The following SLC24A2 variants were observed in gnomAD, a reference collection of about 807,000 sequenced individuals.
SLC24A2 encodes the protein solute carrier family 24 member 2.
A neutral mutation model predicts 62.0 loss-of-function variants in SLC24A2; 36 were observed. That is an observed-to-expected ratio of 0.58 (90% CI 0.44 to 0.77). The LOEUF (loss-of-function observed/expected upper bound fraction) is 0.77. Among genes scored for constraint, SLC24A2 ranks in the 30% least tolerant of loss-of-function variants. The probability of loss-of-function intolerance (pLI) is 0.00; values close to 1 mark genes in which losing one functional copy is unlikely to be tolerated. For synonymous variants in SLC24A2, 358 were observed against 294.0 expected, an observed-to-expected ratio of 1.22 and a Z score of -2.23; for missense variants, 846 against 817.9, an observed-to-expected ratio of 1.03 and a Z score of -0.42.
the SLC24A2 span, among the ~76,000 whole-genome samples, chr9:19,991,762 G>A: frequency 6.6e-6 from 1 of 152,292 alleles, no homozygotes; most frequent in Admixed American, 6.5e-5. Flanking sequence ...AATATGATGA[G>A]ATTTATTTTT....
the SLC24A2 span, among the ~76,000 whole-genome samples, chr9:20,217,527 G>T: frequency 5.9e-5 from 9 of 152,170 alleles, no homozygotes; most frequent in African/African-American, 2.2e-4. Context: ...TGAAGAACAA[G>T]CTGGTGCTGG....
At chr9:20,031,418 C>A in the SLC24A2 span, among the ~76,000 whole-genome samples, 1 of 146,478 alleles carries the variant, frequency 6.8e-6, no homozygotes, top group Non-Finnish European at 1.5e-5. Context: ...CGCATATGTG[C>A]ACACACACAC....
chr9:20,062,650 T>C, the SLC24A2 span, among the ~76,000 whole-genome samples: 59 of 138,252 alleles, frequency 4.3e-4, 1 homozygote, highest in East Asian at 0.013. Flanking sequence ...TGGGATCTCA[T>C]TAAACTAAAG....
chr9:19,587,296 T>C (rs948632199), intron 5 of SLC24A2, among the ~76,000 whole-genome samples: 1 of 152,238 alleles, frequency 6.6e-6, no homozygotes, highest in African/African-American at 2.4e-5. Flanking sequence ...ATTTATTTTA[T>C]TGTAAAGTGG....
chr9:19,580,197 C>T (rs532426908), intron 5 of SLC24A2, among the ~76,000 whole-genome samples: 1 of 152,252 alleles, frequency 6.6e-6, no homozygotes, highest in South Asian at 2.1e-4. Flanking sequence ...TGCAACTCAA[C>T]CTCCCTCCTA....
the SLC24A2 span, among the ~76,000 whole-genome samples, chr9:20,077,467 ATTCCAGAGGCAGTTGTG>A: frequency 4.6e-5 from 7 of 152,180 alleles, no homozygotes; most frequent in Non-Finnish European, 1.0e-4. Context: ...AGTAGCTAGA[ATTCCAGAGGCAGTTGTG>A]TTCTACCTCA....
the SLC24A2 span, among the ~76,000 whole-genome samples, chr9:20,004,490 C>T: frequency 6.6e-6 from 1 of 152,184 alleles, no homozygotes; most frequent in Non-Finnish European, 1.5e-5. Flanking sequence ...CAGTTAATAA[C>T]AGAATATAGG....
the SLC24A2 span, among the ~76,000 whole-genome samples, chr9:19,851,005 A>G: frequency 1.4e-4 from 5 of 35,852 alleles, 1 homozygote; most frequent in African/African-American, 3.7e-4. Context: ...ATATATACAC[A>G]TACATATATA....
intron 7 of SLC24A2, among the ~76,000 whole-genome samples, chr9:19,554,680 T>A (rs987548567): frequency 7.9e-5 from 12 of 152,210 alleles, no homozygotes; most frequent in African/African-American, 2.7e-4. Context: ...CCTGGATCTA[T>A]CTTTAAAGGG....
At chr9:19,641,937 G>A (rs1274545041) in intron 2 of SLC24A2, among the ~76,000 whole-genome samples, 2 of 152,018 alleles carry the variant, frequency 1.3e-5, no homozygotes, top group East Asian at 3.9e-4. Context: ...TTGCCAAAAT[G>A]TGCCTTCATT....
At chr9:19,832,631 A>G in the SLC24A2 span, among the ~76,000 whole-genome samples, 1 of 152,222 alleles carries the variant, frequency 6.6e-6, no homozygotes, top group African/African-American at 2.4e-5. Context: ...CTAAAACCAT[A>G]AAAACCCTAG....
chr9:19,922,328 G>A, the SLC24A2 span, among the ~76,000 whole-genome samples: 1 of 151,972 alleles, frequency 6.6e-6, no homozygotes, highest in Non-Finnish European at 1.5e-5. Flanking sequence ...CAAATTGCAG[G>A]GAATTCCTAT....
At chr9:19,783,960 T>A (rs1388353845) in intron 2 of SLC24A2, among the ~76,000 whole-genome samples, 5 of 152,146 alleles carry the variant, frequency 3.3e-5, no homozygotes, top group African/African-American at 9.7e-5. Context: ...GAAACAGAAA[T>A]AGTTATGAAT....
the SLC24A2 span, among the ~76,000 whole-genome samples, chr9:20,019,253 GAGAAAGAAAGAAAGAAAGAAAGAA>G: frequency 1.4e-4 from 15 of 109,746 alleles, no homozygotes; most frequent in Middle Eastern, 4.2e-3. Context: ...AAGAAGGAAA[GAGAAAGAAAGAAAGAAAGAAAGAA>G]AGAAAGAAAG....
the SLC24A2 span, among the ~76,000 whole-genome samples, chr9:20,257,474 C>T: frequency 6.6e-6 from 1 of 152,002 alleles, no homozygotes; most frequent in Non-Finnish European, 1.5e-5. Flanking sequence ...ATTAGTACTG[C>T]AGAAAGGAAA....
the SLC24A2 span, among the ~76,000 whole-genome samples, chr9:20,145,613 G>A: frequency 2.4e-5 from 1 of 42,392 alleles, no homozygotes; most frequent in African/African-American, 9.8e-5. Context: ...GTGTGTGTGT[G>A]TGTGTGTGCA....
the SLC24A2 span, among the ~76,000 whole-genome samples, chr9:19,816,728 G>T: frequency 6.6e-6 from 1 of 152,102 alleles, no homozygotes; most frequent in African/African-American, 2.4e-5. Context: ...GCAAGAGAGG[G>T]CAAGGGAGGT....
chr9:19,838,902 A>C, the SLC24A2 span, among the ~76,000 whole-genome samples: 1 of 152,176 alleles, frequency 6.6e-6, no homozygotes, highest in Non-Finnish European at 1.5e-5. Context: ...GATCTAATTA[A>C]ACTAAAGAGC....
chr9:20,149,392 C>A, the SLC24A2 span, among the ~76,000 whole-genome samples: 2 of 151,898 alleles, frequency 1.3e-5, no homozygotes, highest in Non-Finnish European at 2.9e-5. Context: ...CAAATAGTAA[C>A]TTCCATAGGG....
Sources: allele counts gnomAD v4.1 joint callset (sites outside exome capture counted in the v4.1 genomes callset), GRCh38; gene constraint gnomAD v4.1.1; transcripts MANE v1.5; gene names NCBI Gene and HGNC (gene_info 2026-07-23, HGNC 2026-07-21).